The following MYO1D variants were observed in gnomAD, a reference collection of about 807,000 sequenced individuals.
The protein encoded by MYO1D is unconventional myosin-Id.
Under a neutral mutation model 122.0 loss-of-function variants are expected in MYO1D, and 83 were observed. The ratio of observed to expected loss-of-function variants is 0.68; its 90% CI spans 0.57 to 0.82. MYO1D has a LOEUF of 0.82. Among genes scored for constraint, MYO1D ranks in the 40% least tolerant of loss-of-function variants. The pLI is 0.00. For missense variants in MYO1D, 1,157 were observed against 1,269.5 expected (o/e 0.91, Z 1.35); for synonymous variants, 464 against 446.9 (o/e 1.04, Z -0.48).
chr17:32,767,581 A>G, intron 7 of MYO1D, 55 bp downstream of exon 7: 1 of 1,183,668 alleles, frequency 8.4e-7, no homozygotes, highest in African/African-American at 1.5e-5. Context: ...ATCTTCTGAG[A>G]AAGCATCCTG....
chr17:32,614,072 A>ATTTTT (rs527897976), intron 20 of MYO1D, among the ~76,000 whole-genome samples: 1 of 126,624 alleles, frequency 7.9e-6, no homozygotes, highest in Non-Finnish European at 1.6e-5. Context: ...TAATGTTTTA[A>ATTTTT]TTTTTTTTTT....
chr17:32,537,678 T>A (rs1476515477), intron 21 of MYO1D, among the ~76,000 whole-genome samples: 1 of 152,160 alleles, frequency 6.6e-6, no homozygotes, highest in Non-Finnish European at 1.5e-5. Flanking sequence ...TCCATTAGCA[T>A]AGCGGTCCAT....
chr17:32,707,234 A>G (rs2089320677), intron 16 of MYO1D, among the ~76,000 whole-genome samples: 1 of 152,172 alleles, frequency 6.6e-6, no homozygotes, highest in South Asian at 2.1e-4. Context: ...AAGAATATCA[A>G]TAAGTCACAA....
Position 32,736,492 on chromosome 17 carries a change from TCTC to T in MYO1D, c.1746+1758_1746+1760del, listed in dbSNP as rs543495215. Reference sequence around the variant, plus strand: ...AGCGGAAGGACAGAAAGAACTTGGGTCTCTAATAACTTTGGAGCTGCCATGCCA... The same window carrying T: ...AGCGGAAGGACAGAAAGAACTTGGGTTAATAACTTTGGAGCTGCCATGCCA... On this transcript the variant is annotated intron_variant, in intron 14 of 21. Coordinates refer to ENST00000318217, the MANE Select transcript of MYO1D (RefSeq NM_015194.3). Among the ~76,000 whole-genome samples, 573 of 152,256 alleles carry T rather than the reference TCTC, an allele frequency of 3.8e-3. 4 individuals are homozygous for T. The highest frequency in any genetic ancestry group is 0.013 in the African/African-American group (549 of 41,556).
intron 21 of MYO1D, among the ~76,000 whole-genome samples, chr17:32,508,141 C>A (rs555322551): frequency 6.6e-6 from 1 of 151,934 alleles, no homozygotes; most frequent in East Asian, 1.9e-4. Context: ...ATAATCTGCC[C>A]GCCTTGGCCT....
At chr17:32,825,174 T>C (rs982468565) in intron 1 of MYO1D, among the ~76,000 whole-genome samples, 1 of 152,236 alleles carries the variant, frequency 6.6e-6, no homozygotes, top group African/African-American at 2.4e-5. Flanking sequence ...GTACAACATT[T>C]TCAAACTGAA....
chr17:32,809,449 C>G (rs201038633), intron 1 of MYO1D, among the ~76,000 whole-genome samples: 2 of 82,352 alleles, frequency 2.4e-5, no homozygotes, highest in East Asian at 3.6e-4. Flanking sequence ...TTTTTTTTTT[C>G]TTTTTCTGAG....
chr17:32,815,694 T>C (rs914804869), intron 1 of MYO1D, among the ~76,000 whole-genome samples: 3 of 152,142 alleles, frequency 2.0e-5, no homozygotes, highest in African/African-American at 7.2e-5. Flanking sequence ...GACACATCAC[T>C]CTGTGCAGAG....
chr17:32,791,846 GAA>G (rs2151036511), intron 1 of MYO1D, among the ~76,000 whole-genome samples: 1 of 152,284 alleles, frequency 6.6e-6, no homozygotes, highest in Non-Finnish European at 1.5e-5. Context: ...AATACACAGT[GAA>G]AAGTGTTTCT....
At chr17:32,558,827 C>T (rs533942731) in intron 21 of MYO1D, among the ~76,000 whole-genome samples, 12 of 152,296 alleles carry the variant, frequency 7.9e-5, no homozygotes, top group Admixed American at 5.9e-4. Context: ...ATGCTGGAGC[C>T]AGACTGTCTG....
chr17:32,861,134 C>G (rs1692516108), intron 1 of MYO1D, among the ~76,000 whole-genome samples: 1 of 150,148 alleles, frequency 6.7e-6, no homozygotes. Flanking sequence ...AGTGGCGCAA[C>G]CTCAGCTCAC....
At chr17:32,748,827 T>A (rs2089867709) in intron 12 of MYO1D, 109 bp downstream of exon 12, 1 of 1,016,580 alleles carries the variant, frequency 9.8e-7, no homozygotes, top group Non-Finnish European at 1.5e-6. Flanking sequence ...ACATATCAAA[T>A]GACCAAAACA....
intron 21 of MYO1D, among the ~76,000 whole-genome samples, chr17:32,522,572 G>A (rs541562419): frequency 6.6e-6 from 1 of 152,290 alleles, no homozygotes; most frequent in East Asian, 1.9e-4. Flanking sequence ...ACAGAGCACT[G>A]AGAGGTGATG....
Position 32,653,503 on chromosome 17 carries a change from G to A in MYO1D, c.2595+340C>T, listed in dbSNP as rs150021800. On this transcript the variant is annotated intron_variant, in intron 19 of 21. Coordinates refer to ENST00000318217, the MANE Select transcript of MYO1D (RefSeq NM_015194.3). ...TGCCTGTAATCCCAGTTACTTGGGA[G>A]GCTGAGACAGGAGAATCACTTGAAC... Among the ~76,000 whole-genome samples, 797 of 151,608 alleles carry A rather than the reference G, an allele frequency of 5.3e-3. 7 individuals carry two copies. The highest frequency in any genetic ancestry group is 0.017 in the African/African-American group (718 of 41,282).
intron 21 of MYO1D, chr17:32,510,170 C>T (rs1909641651): frequency 6.6e-6 from 1 of 152,278 alleles, no homozygotes; most frequent in Admixed American, 6.5e-5. Flanking sequence ...GTCTCCTCAA[C>T]AGCATTTGCG....
chr17:32,800,127 G>A (rs370792584), intron 1 of MYO1D, among the ~76,000 whole-genome samples: 1 of 152,088 alleles, frequency 6.6e-6, no homozygotes, highest in East Asian at 1.9e-4. Flanking sequence ...AGACAGTATA[G>A]AGTTCTTCAA....
intron 16 of MYO1D, among the ~76,000 whole-genome samples, chr17:32,698,292 TC>T (rs1166078680): frequency 9.2e-6 from 1 of 108,676 alleles, no homozygotes; most frequent in East Asian, 3.3e-4. Context: ...CTCCCTCCCT[TC>T]CCCCCTCTCC....
chr17:32,682,265 T>C (rs911318084), intron 16 of MYO1D, among the ~76,000 whole-genome samples: 2 of 151,718 alleles, frequency 1.3e-5, no homozygotes, highest in African/African-American at 4.9e-5. Context: ...AAAGTTAATA[T>C]TGTTATGTGT....
intron 16 of MYO1D, among the ~76,000 whole-genome samples, chr17:32,675,966 TATG>T (rs1184047264): frequency 2.0e-5 from 3 of 152,212 alleles, no homozygotes; most frequent in Admixed American, 6.5e-5. Flanking sequence ...AATATCCTCC[TATG>T]ATGTGATTCT....
Sources: allele counts gnomAD v4.1 joint callset (sites outside exome capture counted in the v4.1 genomes callset), GRCh38; gene constraint gnomAD v4.1.1; transcripts MANE v1.5; gene names NCBI Gene and HGNC (gene_info 2026-07-23, HGNC 2026-07-21).